Variants in WWOX observed in about 807,000 individuals in gnomAD.
WWOX encodes WW domain containing oxidoreductase.
Under a neutral mutation model 46.2 loss-of-function variants are expected in WWOX, and 69 were observed. That is an observed-to-expected ratio of 1.49 (90% CI 1.23 to 1.82). The LOEUF is 1.82. WWOX is among the 40% of genes most tolerant of loss of function. WWOX has a pLI of 0.00. For missense variants in WWOX, 919 were observed against 542.6 expected (o/e 1.69, Z -6.89); for synonymous variants, 359 against 202.6 (o/e 1.77, Z -6.56).
At chr16:79,130,588 A>G (rs1220665887) in intron 8 of WWOX, among the ~76,000 whole-genome samples, 1 of 152,228 alleles carries the variant, frequency 6.6e-6, no homozygotes, top group African/African-American at 2.4e-5. Flanking sequence ...AGAAGACTCC[A>G]GGGACATTGA....
intron 5 of WWOX, among the ~76,000 whole-genome samples, chr16:78,253,713 C>G (rs1157929354): frequency 1.3e-5 from 2 of 152,156 alleles, no homozygotes; most frequent in African/African-American, 4.8e-5. Flanking sequence ...CTAACATAAA[C>G]CTTCAATTTA....
chr16:78,512,148 A>G (rs1181609747), intron 8 of WWOX, among the ~76,000 whole-genome samples: 1 of 152,210 alleles, frequency 6.6e-6, no homozygotes. Flanking sequence ...TTGTGTGATC[A>G]AGTATAGCAG....
At chr16:78,226,802 G>A (rs4887947) in intron 5 of WWOX, among the ~76,000 whole-genome samples, 38,537 of 151,872 alleles carry the variant, frequency 0.25, 5,211 homozygotes, top group Admixed American at 0.33. Flanking sequence ...CAGGAAGTAC[G>A]TTTCCCCCAG....
At chr16:78,946,331 A>G (rs1567667335) in intron 8 of WWOX, among the ~76,000 whole-genome samples, 2 of 152,204 alleles carry the variant, frequency 1.3e-5, no homozygotes, top group East Asian at 3.9e-4. Flanking sequence ...CTGGGATTAC[A>G]GGGATGCGCC....
At chr16:78,248,738 AAAATAAAT>A (rs199818512) in intron 5 of WWOX, among the ~76,000 whole-genome samples, 5 of 152,052 alleles carry the variant, frequency 3.3e-5, no homozygotes, top group African/African-American at 9.7e-5. Flanking sequence ...CCCATTTCAA[AAAATAAAT>A]AAATAAATTT....
chr16:78,268,329 T>G (rs1370602496), intron 5 of WWOX, among the ~76,000 whole-genome samples: 1 of 152,208 alleles, frequency 6.6e-6, no homozygotes, highest in African/African-American at 2.4e-5. Flanking sequence ...ATCAGATCTC[T>G]GCAATGTGTT....
chr16:78,758,939 A>C (rs1255942175), intron 8 of WWOX, among the ~76,000 whole-genome samples: 2 of 134,038 alleles, frequency 1.5e-5, no homozygotes, highest in Non-Finnish European at 3.0e-5. Context: ...ACAAAAGACA[A>C]AAAAAAAAAA....
chr16:79,034,341 T>G (rs142589410), intron 8 of WWOX, among the ~76,000 whole-genome samples: 1 of 152,330 alleles, frequency 6.6e-6, no homozygotes, highest in Admixed American at 6.5e-5. Context: ...GGGCATTGTA[T>G]ATGTTTTGAT....
intron 4 of WWOX, among the ~76,000 whole-genome samples, chr16:78,145,053 G>A (rs1268870679): frequency 6.6e-6 from 1 of 152,090 alleles, no homozygotes; most frequent in African/African-American, 2.4e-5. Flanking sequence ...CACAAATTGG[G>A]TAGCTTAAAC....
At chr16:78,268,629 T>C (rs978703773) in intron 5 of WWOX, among the ~76,000 whole-genome samples, 1 of 152,308 alleles carries the variant, frequency 6.6e-6, no homozygotes, top group Non-Finnish European at 1.5e-5. Flanking sequence ...AGGTCTGGTT[T>C]CTTGGTTAAA....
At chr16:78,435,904 G>T (rs1281139813) in intron 8 of WWOX, among the ~76,000 whole-genome samples, 2 of 152,202 alleles carry the variant, frequency 1.3e-5, no homozygotes, top group Non-Finnish European at 2.9e-5. Context: ...AATTTCTGCA[G>T]TTATTATAAT....
chr16:78,768,600 A>C (rs1186502867), intron 8 of WWOX, among the ~76,000 whole-genome samples: 1 of 152,092 alleles, frequency 6.6e-6, no homozygotes, highest in Non-Finnish European at 1.5e-5. Flanking sequence ...GAGGAAAAAA[A>C]AAAAAAAAGG....
intron 5 of WWOX, among the ~76,000 whole-genome samples, chr16:78,173,382 G>A (rs143017658): frequency 7.2e-4 from 110 of 152,050 alleles, no homozygotes; most frequent in African/African-American, 2.4e-3. Flanking sequence ...TTGACCTCCT[G>A]GGCTCAAGTG....
chr16:79,168,019 C>T (rs968311426), intron 8 of WWOX, among the ~76,000 whole-genome samples: 1 of 152,188 alleles, frequency 6.6e-6, no homozygotes, highest in South Asian at 2.1e-4. Flanking sequence ...ACTTAGCATG[C>T]TGTTTCCAAG....
chr16:78,457,061 CA>C (rs1441520240), intron 8 of WWOX, among the ~76,000 whole-genome samples: 1 of 152,192 alleles, frequency 6.6e-6, no homozygotes, highest in African/African-American at 2.4e-5. Context: ...AATATGTGCC[CA>C]CCCTACGATT....
At chr16:78,739,226 A>T (rs2049159609) in intron 8 of WWOX, among the ~76,000 whole-genome samples, 3 of 152,126 alleles carry the variant, frequency 2.0e-5, no homozygotes, top group Admixed American at 1.3e-4. Flanking sequence ...GCCGAATGAA[A>T]GTGTGATCCT....
intron 8 of WWOX, among the ~76,000 whole-genome samples, chr16:78,679,846 C>T (rs951324855): frequency 2.6e-5 from 4 of 152,194 alleles, no homozygotes; most frequent in East Asian, 1.9e-4. Context: ...TTTTAGGGGC[C>T]ATGCTGTCAT....
chr16:78,130,954 A>T (rs1380280120), intron 4 of WWOX, among the ~76,000 whole-genome samples: 2 of 152,234 alleles, frequency 1.3e-5, no homozygotes, highest in East Asian at 1.9e-4. Flanking sequence ...ATAACCCATT[A>T]TACACAGAGG....
chr16:78,400,353 A>G (rs148703165), intron 6 of WWOX, among the ~76,000 whole-genome samples: 2 of 152,120 alleles, frequency 1.3e-5, no homozygotes, highest in Non-Finnish European at 2.9e-5. Flanking sequence ...TCGATTTCCC[A>G]CCTCAGATCT....
Sources: gnomAD v4.1 joint callset for allele counts (sites outside exome capture counted in the v4.1 genomes callset) on GRCh38, gnomAD v4.1.1 for gene constraint, MANE v1.5 for transcripts, NCBI Gene and HGNC (gene_info 2026-07-23, HGNC 2026-07-21) for gene names.